The following RGS9 variants were observed in gnomAD, a reference collection of about 807,000 sequenced individuals.
The protein encoded by RGS9 is regulator of G protein signaling 9, also known as regulator of G-protein signalling 9.
Under a neutral mutation model 102.0 loss-of-function variants are expected in RGS9, and 78 were observed. The observed-to-expected ratio is 0.76, with a 90% CI of 0.64 to 0.92. The LOEUF (loss-of-function observed/expected upper bound fraction) is 0.92. Among genes scored for constraint, RGS9 ranks in the 40% least tolerant of loss-of-function variants. RGS9 has a pLI of 0.00. For synonymous variants in RGS9, 353 were observed against 318.6 expected, an observed-to-expected ratio of 1.11 and a Z score of -1.15; for missense variants, 833 against 866.1, an observed-to-expected ratio of 0.96 and a Z score of 0.48.
chr17:65,227,063 T>G lies in RGS9; in HGVS notation c.1893-212T>G, dbSNP rs369436911. ...TTATTTTTCATTCAAAATGAAAATA[T>G]GAATCCCCAATAAAAAGATTCCACC... On this transcript the variant is annotated intron_variant, in intron 18 of 18. Coordinates refer to ENST00000262406, the MANE Select transcript of RGS9 (RefSeq NM_003835.4). 3.9e-3 allele frequency among the ~76,000 whole-genome samples: 587 copies of G among 152,306 alleles called. 4 individuals carry two copies. The highest frequency in any genetic ancestry group is 0.013 in the African/African-American group (535 of 41,566).
intron 17 of RGS9, among the ~76,000 whole-genome samples, chr17:65,214,835 C>T (rs2144116953): frequency 1.3e-5 from 2 of 152,314 alleles, no homozygotes; most frequent in Admixed American, 1.3e-4. Flanking sequence ...TCATGGAAGG[C>T]TGGAATGTGG....
At chr17:65,181,549 C>G (rs1268788311) in intron 9 of RGS9, among the ~76,000 whole-genome samples, 1 of 152,238 alleles carries the variant, frequency 6.6e-6, no homozygotes, top group African/African-American at 2.4e-5. Context: ...CGGGACCACA[C>G]TCTAGAAGTG....
At position 65,189,288 on chromosome 17, in the gene RGS9, A is replaced by G. The variant is rs1286105738; in HGVS notation, c.657A>G (p.Lys219=). 3 of 1,612,274 alleles carry G rather than the reference A, an allele frequency of 1.9e-6. No homozygotes were observed. Among genetic ancestry groups the G allele is most frequent in the African/African-American group, 1.3e-5 (1 of 74,902 alleles). The change falls in exon 10 of 19, where the codon AAA becomes AAG. Residue 219 remains lysine (K), a splice_region_variant and synonymous_variant. Coordinates refer to ENST00000262406, the MANE Select transcript of RGS9 (RefSeq NM_003835.4). Reference sequence around the variant, plus strand: ...GGTTTTGTTTCTTTGTCTTACAGAAACAAACAGTCGTTGCTGTCAAAAAAG... The same window carrying G: ...GGTTTTGTTTCTTTGTCTTACAGAAGCAAACAGTCGTTGCTGTCAAAAAAG... The part of the protein sequence containing the change: ...TNPNEVKVNQ[K]QTVVAVKKEI...
chr17:65,163,682 G>C (rs1375283057), intron 7 of RGS9, among the ~76,000 whole-genome samples: 1 of 152,122 alleles, frequency 6.6e-6, no homozygotes, highest in South Asian at 2.1e-4. Flanking sequence ...TGAACCTGGG[G>C]AATGCATAGG....
At chr17:65,160,946 G>A (rs1325095034) in intron 6 of RGS9, 37 bp downstream of exon 6, 3 of 1,533,454 alleles carry the variant, frequency 2.0e-6, no homozygotes, top group African/African-American at 1.4e-5. Flanking sequence ...TGTTATAATT[G>A]AGTGGAAGAT....
chr17:65,157,907 T>TTGTGTGTGTG (rs1376662384), intron 2 of RGS9, among the ~76,000 whole-genome samples: 23 of 152,040 alleles, frequency 1.5e-4, no homozygotes, highest in African/African-American at 5.3e-4. Flanking sequence ...CGGGTCTGTT[T>TTGTGTGTGTG]TGTGTGTGTG....
chr17:65,167,549 C>T (rs949647931), intron 7 of RGS9, among the ~76,000 whole-genome samples: 20 of 152,130 alleles, frequency 1.3e-4, no homozygotes, highest in African/African-American at 4.1e-4. Flanking sequence ...AAAGCCCCGA[C>T]GTGGCATGAA....
chr17:65,204,901 G>T (rs1397689025), intron 15 of RGS9, among the ~76,000 whole-genome samples: 1 of 152,192 alleles, frequency 6.6e-6, no homozygotes, highest in Non-Finnish European at 1.5e-5. Flanking sequence ...GGGATTCATA[G>T]CCAGGTCTGC....
At chr17:65,155,162 C>T (rs1342837290) in intron 2 of RGS9, among the ~76,000 whole-genome samples, 4 of 152,214 alleles carry the variant, frequency 2.6e-5, no homozygotes, top group Non-Finnish European at 5.9e-5. Context: ...TCTGGGCACC[C>T]AAAGAGTGGA....
At chr17:65,216,252 A>T (rs1913518417) in intron 17 of RGS9, among the ~76,000 whole-genome samples, 1 of 152,244 alleles carries the variant, frequency 6.6e-6, no homozygotes, top group African/African-American at 2.4e-5. Context: ...CTGGGTTATC[A>T]AAACTGAATG....
intron 2 of RGS9, among the ~76,000 whole-genome samples, chr17:65,154,361 T>C (rs1405032043): frequency 6.6e-6 from 1 of 152,160 alleles, no homozygotes; most frequent in Non-Finnish European, 1.5e-5. Flanking sequence ...TGCTGACTCC[T>C]GGACTAAAGT....
intron 8 of RGS9, among the ~76,000 whole-genome samples, chr17:65,174,748 G>A (rs1167779474): frequency 2.0e-5 from 3 of 152,064 alleles, no homozygotes; most frequent in Non-Finnish European, 2.9e-5. Context: ...AAAGAAATAC[G>A]CAAGACTGGG....
rs1567874199 is a variant in RGS9 at position 65,177,814 on chromosome 17, GCTGCATAGTT to G, written c.654+12_654+21del. ...GTCAAGGTAAACCAGGTATGTCTCT[GCTGCATAGTT>G]TGGGTAGGGCCTAGGTCGGATTCTG... On this transcript the variant is annotated intron_variant, in intron 9 of 18. Coordinates refer to ENST00000262406, the MANE Select transcript of RGS9 (RefSeq NM_003835.4). 1.2e-6 allele frequency: 2 copies of G among 1,613,268 alleles called. No homozygotes were observed. Among genetic ancestry groups the G allele is most frequent in the South Asian group, 2.2e-5 (2 of 91,054 alleles).
chr17:65,150,916 G>A (rs2143968592), intron 1 of RGS9, among the ~76,000 whole-genome samples: 1 of 152,276 alleles, frequency 6.6e-6, no homozygotes, highest in South Asian at 2.1e-4. Context: ...GCTTTTCCAG[G>A]GGAACATGAA....
intron 9 of RGS9, among the ~76,000 whole-genome samples, chr17:65,181,540 G>C (rs973965728): frequency 8.5e-5 from 13 of 152,222 alleles, no homozygotes; most frequent in African/African-American, 7.2e-5. Context: ...GCCAGGGGCC[G>C]GGACCACACT....
At chr17:65,189,424 T>C (rs2144062447) in intron 10 of RGS9, 109 bp downstream of exon 10, 3 of 837,822 alleles carry the variant, frequency 3.6e-6, no homozygotes, top group African/African-American at 1.7e-5. Context: ...CCACGTGCAA[T>C]GTTCAAACAA....
At position 65,208,017 on chromosome 17, in the gene RGS9, A is replaced by G. The variant is rs1913137572; in HGVS notation, c.1289+10A>G. Reference sequence around the variant, plus strand: ...AAACCACCAAGAAAAGGCAAGTGGAATTATCTGTAATTGCTGGCTGCCTGC... The same window carrying G: ...AAACCACCAAGAAAAGGCAAGTGGAGTTATCTGTAATTGCTGGCTGCCTGC... On this transcript the variant is annotated intron_variant, in intron 16 of 18. Transcript: ENST00000262406. 1.3e-6 allele frequency: 2 copies of G among 1,580,212 alleles called. No homozygotes were observed. Among genetic ancestry groups the G allele is most frequent in the South Asian group, 2.2e-5 (2 of 90,320 alleles).
chr17:65,175,225 G>A (rs1349688019), intron 8 of RGS9, among the ~76,000 whole-genome samples: 1 of 152,022 alleles, frequency 6.6e-6, no homozygotes, highest in South Asian at 2.1e-4. Context: ...GGGCATGTAT[G>A]TATGTGAGCA....
intron 1 of RGS9, among the ~76,000 whole-genome samples, chr17:65,139,280 G>C (rs2143941853): frequency 8.6e-6 from 1 of 116,144 alleles, no homozygotes; most frequent in Non-Finnish European, 1.8e-5. Flanking sequence ...TTCCACCCCG[G>C]TCTCCCCTCC....
Sources: gnomAD v4.1 joint callset for allele counts (sites outside exome capture counted in the v4.1 genomes callset) on GRCh38, gnomAD v4.1.1 for gene constraint, MANE v1.5 for transcripts, NCBI Gene and HGNC (gene_info 2026-07-23, HGNC 2026-07-21) for gene names.